RGS7: variants seen among roughly 807,000 people sequenced by gnomAD.
The protein encoded by RGS7 is regulator of G-protein signaling 7.
RGS7 carries 27 observed loss-of-function variants against 81.1 expected under a neutral mutation model. The ratio of observed to expected loss-of-function variants is 0.33; its 90% CI spans 0.25 to 0.46. The LOEUF (loss-of-function observed/expected upper bound fraction) is 0.46. Ranked by LOEUF, RGS7 falls within the 20% of genes least tolerant of loss-of-function variation. The pLI, the probability that RGS7 is intolerant of heterozygous loss-of-function variation, is 1.00. For synonymous variants in RGS7, 208 were observed against 207.7 expected (o/e 1.00, Z -0.01); for missense variants, 396 against 607.4 (o/e 0.65, Z 3.66).
chr1:240,973,646 G>C (rs1683612084), intron 4 of RGS7, among the ~76,000 whole-genome samples: 1 of 151,992 alleles, frequency 6.6e-6, no homozygotes, highest in African/African-American at 2.4e-5. Flanking sequence ...CTGGAGTGCA[G>C]TGGTGCCATC....
At chr1:241,128,601 T>C (rs2066857841) in intron 2 of RGS7, among the ~76,000 whole-genome samples, 1 of 151,802 alleles carries the variant, frequency 6.6e-6, no homozygotes, top group African/African-American at 2.4e-5. Flanking sequence ...AATAAATAAA[T>C]TTAAAAAGTT....
chr1:240,959,605 T>G (rs1681016240), intron 4 of RGS7, among the ~76,000 whole-genome samples: 1 of 152,238 alleles, frequency 6.6e-6, no homozygotes, highest in Non-Finnish European at 1.5e-5. Context: ...TGTCCTTTGC[T>G]GACCGAAACG....
chr1:241,198,939 GC>G (rs2073284383), intron 2 of RGS7, among the ~76,000 whole-genome samples: 1 of 152,042 alleles, frequency 6.6e-6, no homozygotes, highest in Non-Finnish European at 1.5e-5. Flanking sequence ...ACAAATTTGT[GC>G]TAACCAAATC....
chr1:241,158,794 A>G (rs1447465315), intron 2 of RGS7, among the ~76,000 whole-genome samples: 2 of 152,250 alleles, frequency 1.3e-5, no homozygotes, highest in South Asian at 2.1e-4. Context: ...GATGCCTAAA[A>G]TTTTATGGTC....
At chr1:240,910,883 TA>T (rs1243330760) in intron 6 of RGS7, among the ~76,000 whole-genome samples, 1 of 152,120 alleles carries the variant, frequency 6.6e-6, no homozygotes, top group Non-Finnish European at 1.5e-5. Flanking sequence ...AACGCCCAAC[TA>T]ATTTTTTTTA....
intron 3 of RGS7, among the ~76,000 whole-genome samples, chr1:241,065,323 A>G (rs1334062918): frequency 3.3e-5 from 5 of 151,326 alleles, no homozygotes; most frequent in African/African-American, 1.2e-4. Context: ...TGACAGATAT[A>G]TTATAGACAA....
At position 240,823,057 on chromosome 1, in the gene RGS7, G is replaced by A. The variant is rs1692096068; in HGVS notation, c.684+4041C>T. On this transcript the variant is annotated intron_variant, in intron 10 of 18. Coordinates refer to ENST00000440928, the MANE Select transcript of RGS7 (RefSeq NM_001364886.1). ...TTCTGGTAAATCTAGTCGTTTCTTA[G>A]CCTCCTCAATGTCACCTGGAATTGC... 5.8e-6 allele frequency: 4 copies of A among 694,610 alleles called. No individual in the cohort carries two copies. In the Admixed American group the frequency reaches 8.6e-5, roughly 15 times the overall value. 43.0% of individuals were successfully genotyped at this position (694,610 alleles called of 1,614,324 possible). A position where few individuals can be genotyped will look rare whatever the true frequency, so the allele number is the denominator to read the frequency against.
At chr1:240,928,996 T>C (rs745488856) in intron 6 of RGS7, among the ~76,000 whole-genome samples, 1 of 152,230 alleles carries the variant, frequency 6.6e-6, no homozygotes, top group Non-Finnish European at 1.5e-5. Context: ...TTTCAATGTA[T>C]TGAGTATGTG....
intron 2 of RGS7, among the ~76,000 whole-genome samples, chr1:241,213,367 A>T (rs2074363608): frequency 6.6e-6 from 1 of 152,188 alleles, no homozygotes; most frequent in South Asian, 2.1e-4. Flanking sequence ...GTCGGAACTC[A>T]TGTAAAAGCG....
At chr1:241,156,549 G>A (rs61833764) in intron 2 of RGS7, among the ~76,000 whole-genome samples, 2,228 of 141,482 alleles carry the variant, frequency 0.016, 22 homozygotes, top group Non-Finnish European at 0.025. Context: ...ATAGATGATA[G>A]ATGGAAAGGG....
At chr1:241,351,087 A>G (rs779740192) in intron 2 of RGS7, among the ~76,000 whole-genome samples, 41 of 152,294 alleles carry the variant, frequency 2.7e-4, no homozygotes, top group Non-Finnish European at 5.3e-4. Flanking sequence ...GTGACTTCAT[A>G]TAAGAAAAGC....
At chr1:241,073,728 A>G (rs1382627174) in intron 3 of RGS7, among the ~76,000 whole-genome samples, 1 of 152,172 alleles carries the variant, frequency 6.6e-6, no homozygotes, top group Non-Finnish European at 1.5e-5. Flanking sequence ...GATTACAGTC[A>G]TACAGTTAAT....
chr1:241,069,413 A>C (rs1029217640), intron 3 of RGS7, among the ~76,000 whole-genome samples: 18 of 152,240 alleles, frequency 1.2e-4, no homozygotes, highest in Non-Finnish European at 4.4e-5. Flanking sequence ...AGAGCAATAA[A>C]GAAGAACGGG....
intron 2 of RGS7, among the ~76,000 whole-genome samples, chr1:241,351,485 C>T (rs1276333326): frequency 6.6e-6 from 1 of 151,550 alleles, no homozygotes; most frequent in Admixed American, 6.6e-5. Context: ...TTGCCAGTAC[C>T]ACCATATGAT....
chr1:240,916,241 C>T (rs1455726782), intron 6 of RGS7, among the ~76,000 whole-genome samples: 9 of 143,250 alleles, frequency 6.3e-5, no homozygotes, highest in Admixed American at 5.7e-4. Context: ...CATGCCATTG[C>T]ACTTCAGCCT....
At chr1:240,968,824 T>G (rs1365116704) in intron 4 of RGS7, among the ~76,000 whole-genome samples, 2 of 152,150 alleles carry the variant, frequency 1.3e-5, no homozygotes. Flanking sequence ...AGTTAGCATC[T>G]CCTATCATTA....
chr1:241,279,027 T>C (rs981368211), intron 2 of RGS7, among the ~76,000 whole-genome samples: 5 of 152,126 alleles, frequency 3.3e-5, no homozygotes, highest in Non-Finnish European at 5.9e-5. Flanking sequence ...ACCTTCCCCA[T>C]AGTTAAGTGC....
intron 2 of RGS7, among the ~76,000 whole-genome samples, chr1:241,131,720 C>A (rs1343047146): frequency 6.6e-6 from 1 of 152,082 alleles, no homozygotes; most frequent in Non-Finnish European, 1.5e-5. Context: ...TATTCTAAAT[C>A]AAAACATTAC....
chr1:241,073,217 T>C (rs988256006), intron 3 of RGS7, among the ~76,000 whole-genome samples: 12 of 152,236 alleles, frequency 7.9e-5, no homozygotes, highest in African/African-American at 2.7e-4. Context: ...CCTTCTGTCC[T>C]GTTCTCCTTG....
Sources: gnomAD v4.1 joint callset for allele counts (sites outside exome capture counted in the v4.1 genomes callset) on GRCh38, gnomAD v4.1.1 for gene constraint, MANE v1.5 for transcripts, NCBI Gene and HGNC (gene_info 2026-07-23, HGNC 2026-07-21) for gene names.